Variants in SNTG2 observed in about 807,000 individuals in gnomAD.
The protein encoded by SNTG2 is syntrophin gamma 2.
SNTG2 carries 74 observed loss-of-function variants against 70.9 expected under a neutral mutation model. The ratio of observed to expected loss-of-function variants is 1.04; its 90% CI spans 0.86 to 1.27. The LOEUF is 1.27. SNTG2 is among the 50% of genes most tolerant of loss of function. The pLI, the probability that SNTG2 is intolerant of heterozygous loss-of-function variation, is 0.00. For synonymous variants in SNTG2, 278 were observed against 273.8 expected, an observed-to-expected ratio of 1.02 and a Z score of -0.15; for missense variants, 717 against 690.7, an observed-to-expected ratio of 1.04 and a Z score of -0.43.
At chr2:1,329,917 G>A (rs924303259) in intron 16 of SNTG2, among the ~76,000 whole-genome samples, 27 of 152,180 alleles carry the variant, frequency 1.8e-4, no homozygotes, top group African/African-American at 6.5e-4. Context: ...AAAGAAAAGA[G>A]CATTTCCAGG....
intron 9 of SNTG2, among the ~76,000 whole-genome samples, chr2:1,212,515 T>C (rs1674111713): frequency 6.6e-6 from 1 of 152,202 alleles, no homozygotes; most frequent in Non-Finnish European, 1.5e-5. Context: ...AGGTTTATAA[T>C]TTTTCATAAG....
At chr2:1,095,974 A>G (rs1665365444) in intron 2 of SNTG2, among the ~76,000 whole-genome samples, 1 of 152,330 alleles carries the variant, frequency 6.6e-6, no homozygotes, top group African/African-American at 2.4e-5. Flanking sequence ...TCAGTTGGCC[A>G]TGAACACTAC....
chr2:1,366,830 G>C (rs1009109953), intron 16 of SNTG2, among the ~76,000 whole-genome samples: 1 of 152,200 alleles, frequency 6.6e-6, no homozygotes, highest in Non-Finnish European at 1.5e-5. Flanking sequence ...AGCAGGCACT[G>C]TTCCTCCCAA....
intron 9 of SNTG2, among the ~76,000 whole-genome samples, chr2:1,221,450 T>C (rs11686825): frequency 0.78 from 9,333 of 12,026 alleles, 3,589 homozygotes; most frequent in Middle Eastern, 0.92. Context: ...TCTGTCTCTG[T>C]CTCTCTCTGT....
intron 1 of SNTG2, among the ~76,000 whole-genome samples, chr2:968,192 T>C (rs1395111481): frequency 6.6e-6 from 1 of 152,208 alleles, no homozygotes; most frequent in Non-Finnish European, 1.5e-5. Context: ...TTATTCACAT[T>C]ATTCATTCTT....
chr2:1,003,023 G>A (rs1659455858), intron 1 of SNTG2, among the ~76,000 whole-genome samples: 1 of 152,078 alleles, frequency 6.6e-6, no homozygotes, highest in Non-Finnish European at 1.5e-5. Flanking sequence ...GTCCCTGCAT[G>A]TTTCCACTTC....
At chr2:1,088,537 C>T (rs1275688739) in intron 2 of SNTG2, among the ~76,000 whole-genome samples, 1 of 152,082 alleles carries the variant, frequency 6.6e-6, no homozygotes, top group Non-Finnish European at 1.5e-5. Context: ...TGCATGTTTA[C>T]AAATGGAATA....
chr2:956,576 C>T (rs901222416), intron 1 of SNTG2, among the ~76,000 whole-genome samples: 1 of 152,252 alleles, frequency 6.6e-6, no homozygotes, highest in Non-Finnish European at 1.5e-5. Flanking sequence ...ACCCGCTCCC[C>T]CAGGGCCCCG....
At chr2:1,204,816 C>T (rs1371537426) in intron 8 of SNTG2, among the ~76,000 whole-genome samples, 5 of 152,092 alleles carry the variant, frequency 3.3e-5, no homozygotes, top group Non-Finnish European at 5.9e-5. Context: ...TTTGGTACTA[C>T]GCACAGTTTT....
chr2:987,948 C>T (rs1661378343), intron 1 of SNTG2, among the ~76,000 whole-genome samples: 1 of 152,188 alleles, frequency 6.6e-6, no homozygotes, highest in African/African-American at 2.4e-5. Flanking sequence ...GATGACACCC[C>T]ACGTGGGCCT....
intron 6 of SNTG2, among the ~76,000 whole-genome samples, chr2:1,146,765 G>T (rs1669133774): frequency 6.6e-6 from 1 of 152,146 alleles, no homozygotes; most frequent in Admixed American, 6.6e-5. Flanking sequence ...CTCTTTCACA[G>T]AAGAGCAAAA....
At chr2:1,241,632 C>CT (rs1677059773) in intron 11 of SNTG2, among the ~76,000 whole-genome samples, 1 of 152,126 alleles carries the variant, frequency 6.6e-6, no homozygotes, top group Admixed American at 6.5e-5. Flanking sequence ...CTCCCCACCC[C>CT]TTAATCCTCC....
At chr2:1,178,876 T>C (rs1671666641) in intron 8 of SNTG2, among the ~76,000 whole-genome samples, 1 of 152,212 alleles carries the variant, frequency 6.6e-6, no homozygotes, top group African/African-American at 2.4e-5. Context: ...TCAGAAGGAA[T>C]GGTACCAGCT....
chr2:1,215,862 T>C (rs1233342636), intron 9 of SNTG2, among the ~76,000 whole-genome samples: 1 of 152,174 alleles, frequency 6.6e-6, no homozygotes, highest in African/African-American at 2.4e-5. Context: ...GCTTCATCCA[T>C]GTCCCTACAA....
At position 971,293 on chromosome 2, in the gene SNTG2, A is replaced by G. The variant is rs191054703; in HGVS notation, c.72+20225A>G. ...GGGATTTTCTGGTTGATAGGCTTTTATTGTTTGTTTGTTTTTTTATCACTG... is the reference window on the plus strand; with the variant it reads ...GGGATTTTCTGGTTGATAGGCTTTTGTTGTTTGTTTGTTTTTTTATCACTG... On this transcript the variant is annotated intron_variant, in intron 1 of 16. Transcript: ENST00000308624. Among the ~76,000 whole-genome samples, 39 of 148,922 alleles carry G rather than the reference A, an allele frequency of 2.6e-4. 1 individual carries two copies. The highest frequency in any genetic ancestry group is 1.2e-3 in the Admixed American group (18 of 14,960).
At chr2:1,330,192 G>T (rs567334087) in intron 16 of SNTG2, among the ~76,000 whole-genome samples, 9 of 152,258 alleles carry the variant, frequency 5.9e-5, no homozygotes, top group Admixed American at 1.3e-4. Context: ...GGAATATTTT[G>T]GTTTTCTTCA....
rs1276938840 is a variant in SNTG2 at position 1,158,092 on chromosome 2, G to A, written c.412-7456G>A. ...AGTAGATTCAGCATCATGCTCAAAG[G>A]GCCCAGTTGCATAAACTGTTTTTTG... On this transcript the variant is annotated intron_variant, in intron 6 of 16. Transcript: ENST00000308624. 2.0e-5 allele frequency among the ~76,000 whole-genome samples: 3 copies of A among 152,250 alleles called. No homozygotes were observed. In the South Asian group the frequency reaches 6.2e-4, roughly 32 times the overall value.
At chr2:1,303,174 A>G (rs1004072389) in intron 14 of SNTG2, among the ~76,000 whole-genome samples, 2 of 152,200 alleles carry the variant, frequency 1.3e-5, no homozygotes, top group African/African-American at 4.8e-5. Flanking sequence ...TCCCCCCACC[A>G]CATACTACGG....
chr2:1,365,505 A>G (rs762445510), intron 16 of SNTG2, among the ~76,000 whole-genome samples: 29 of 152,158 alleles, frequency 1.9e-4, no homozygotes, highest in Admixed American at 1.6e-3. Flanking sequence ...TTGGTACCCA[A>G]TGTCCCCCAG....
Sources: gnomAD v4.1 joint callset for allele counts (sites outside exome capture counted in the v4.1 genomes callset) on GRCh38, gnomAD v4.1.1 for gene constraint, MANE v1.5 for transcripts, NCBI Gene and HGNC (gene_info 2026-07-23, HGNC 2026-07-21) for gene names.